ADCK1: variants seen among roughly 807,000 people sequenced by gnomAD.
ADCK1 encodes the protein aarF domain-containing protein kinase 1.
A neutral mutation model predicts 52.3 loss-of-function variants in ADCK1; 41 were observed. The ratio of observed to expected loss-of-function variants is 0.78; its 90% CI spans 0.61 to 1.02. The LOEUF is 1.02. ADCK1 is among the 50% of genes least tolerant of loss of function. The pLI is 0.00. For synonymous variants in ADCK1, 250 were observed against 274.6 expected (o/e 0.91, Z 0.89); for missense variants, 658 against 679.5 (o/e 0.97, Z 0.35).
intron 9 of ADCK1, among the ~76,000 whole-genome samples, chr14:77,928,987 T>C (rs1361155021): frequency 6.6e-6 from 1 of 152,320 alleles, no homozygotes; most frequent in South Asian, 2.1e-4. Context: ...CCCCGTCTTG[T>C]ATATCTTTTT....
intron 1 of ADCK1, among the ~76,000 whole-genome samples, chr14:77,807,935 T>TGTG (rs2081265087): frequency 6.6e-6 from 1 of 152,060 alleles, no homozygotes; most frequent in South Asian, 2.1e-4. Context: ...GAGCCACCAC[T>TGTG]CCTGGCCTGA....
At position 77,920,551 on chromosome 14, in the gene ADCK1, T is replaced by C. The variant is rs555095010; in HGVS notation, c.859-3906T>C. ...TAATGTGATGCCTCCAGATTTATTC[T>C]TTTTGCTTAGTCTTACTTTGGCTAT... On this transcript the variant is annotated intron_variant, in intron 7 of 10. Transcript: ENST00000238561. 3.3e-5 allele frequency among the ~76,000 whole-genome samples: 5 copies of C among 152,366 alleles called. No homozygotes were observed. The East Asian group carries it at 9.6e-4, about 29-fold the overall frequency.
intron 9 of ADCK1, among the ~76,000 whole-genome samples, chr14:77,931,178 G>T (rs1216282244): frequency 2.6e-5 from 4 of 152,218 alleles, no homozygotes; most frequent in Non-Finnish European, 4.4e-5. Flanking sequence ...GACTCAGCTG[G>T]TACTGGCTTC....
At chr14:77,921,302 G>C (rs1181995363) in intron 7 of ADCK1, among the ~76,000 whole-genome samples, 1 of 115,660 alleles carries the variant, frequency 8.6e-6, no homozygotes, top group Non-Finnish European at 1.7e-5. Context: ...ATTCCAGCCT[G>C]GGCGACAGAG....
At chr14:77,929,867 A>C (rs1011588890) in intron 9 of ADCK1, among the ~76,000 whole-genome samples, 1 of 152,106 alleles carries the variant, frequency 6.6e-6, no homozygotes, top group Non-Finnish European at 1.5e-5. Flanking sequence ...GGGTTTCGCT[A>C]TGTTGGCCAG....
rs1566667179 is a variant in ADCK1, at chr14:77,852,669, A to ATATATATTTATATATATATATATAT, written c.220-6400_220-6399insTTATATATATATATATATTATATAT. Among the ~76,000 whole-genome samples the ATATATATTTATATATATATATATAT allele has an allele frequency of 4.2e-4, 4 of 9,414 alleles. No individual in the cohort carries two copies. In the East Asian group the frequency reaches 0.017, roughly 40 times the overall value. The allele number at this position is 9,414 out of a possible 152,430, so 6.2% of individuals were successfully genotyped here. A position where few individuals can be genotyped will look rare whatever the true frequency, so the allele number is the denominator to read the frequency against. On this transcript the variant is annotated intron_variant, in intron 3 of 10. Coordinates refer to ENST00000238561, the MANE Select transcript of ADCK1 (RefSeq NM_020421.4). ...TTTCTTTAAATAAATAAATATATAT[A>ATATATATTTATATATATATATATAT]TATATATATATATATATATATATAT...
At chr14:77,862,184 T>C (rs1439285259) in intron 4 of ADCK1, among the ~76,000 whole-genome samples, 3 of 152,224 alleles carry the variant, frequency 2.0e-5, no homozygotes, top group Non-Finnish European at 4.4e-5. Flanking sequence ...TTACTTTTTT[T>C]CCTTTATTTG....
rs1370201003 is a variant in ADCK1, at chr14:77,897,895, T to C, written c.583-1205T>C. On this transcript the variant is annotated intron_variant, in intron 5 of 10. Coordinates refer to ENST00000238561, the MANE Select transcript of ADCK1 (RefSeq NM_020421.4). ...GTGTTTCAGAGCAAGGGCTGTAGAG[T>C]TGGCTGTGGAATTCCCAGGGGGAAT... is the stretch of plus-strand genomic sequence containing the variant. Among the ~76,000 whole-genome samples the C allele has an allele frequency of 2.0e-5, 3 of 152,054 alleles. No individual in the cohort carries two copies. In the East Asian group the frequency reaches 5.8e-4, roughly 29 times the overall value.
At chr14:77,872,550 CCT>C (rs1325902372) in intron 4 of ADCK1, among the ~76,000 whole-genome samples, 1 of 151,964 alleles carries the variant, frequency 6.6e-6, no homozygotes, top group Admixed American at 6.6e-5. Context: ...AAAGGTGCTG[CCT>C]CTCTGTGCTC....
intron 3 of ADCK1, among the ~76,000 whole-genome samples, chr14:77,858,050 G>A (rs1384974105): frequency 6.6e-6 from 1 of 152,104 alleles, no homozygotes; most frequent in Non-Finnish European, 1.5e-5. Flanking sequence ...AAGGACCGGT[G>A]AGCATCCGGA....
rs8009619 is a variant in ADCK1 at position 77,933,977 on chromosome 14, T to A, written c.*586T>A. The A allele has an allele frequency of 6.6e-6, 1 of 152,240 alleles. No individual in the cohort carries two copies. The highest frequency in any genetic ancestry group is 1.9e-4 in the East Asian group (1 of 5,164). 9.4% of individuals were successfully genotyped at this position (152,240 alleles called of 1,614,324 possible). Reference sequence around the variant, plus strand: ...GCAGGATTTGTCCATCATAACTCACTGGCCTCCCACCTGACCCCAGGCACG... The same window carrying A: ...GCAGGATTTGTCCATCATAACTCACAGGCCTCCCACCTGACCCCAGGCACG... On this transcript the variant is annotated 3_prime_UTR_variant, in exon 11 of 11. Transcript: ENST00000238561.
At chr14:77,861,588 A>G (rs2082549988) in intron 4 of ADCK1, among the ~76,000 whole-genome samples, 2 of 149,786 alleles carry the variant, frequency 1.3e-5, no homozygotes, top group African/African-American at 5.0e-5. Context: ...TCCCTGGCTT[A>G]AAAGAGGCTG....
Position 77,860,381 on chromosome 14 carries a change from G to C in ADCK1, c.423+1102G>C, listed in dbSNP as rs181444173. On this transcript the variant is annotated intron_variant, in intron 4 of 10. Coordinates refer to ENST00000238561, the MANE Select transcript of ADCK1 (RefSeq NM_020421.4). ...TAGGCTACTTGGCGCAGGGCCAGGA[G>C]AGTAGGGCAGAGGTTTGATAAAGAC... is the stretch of plus-strand genomic sequence containing the variant. Among the ~76,000 whole-genome samples the C allele has an allele frequency of 4.6e-5, 7 of 152,354 alleles. No homozygotes were observed. The East Asian group carries it at 1.3e-3, about 29-fold the overall frequency.
At chr14:77,933,116 G>C in intron 10 of ADCK1, 104 bp from the exon 11 acceptor site, 1 of 1,218,222 alleles carries the variant, frequency 8.2e-7, no homozygotes, top group Non-Finnish European at 1.1e-6. Flanking sequence ...GCAGGGAGCT[G>C]GTGAGTTGGC....
At chr14:77,821,598 G>A (rs2081582981) in intron 2 of ADCK1, among the ~76,000 whole-genome samples, 1 of 152,026 alleles carries the variant, frequency 6.6e-6, no homozygotes, top group African/African-American at 2.4e-5. Flanking sequence ...TATGCTATTA[G>A]GGCCAGGCGC....
intron 7 of ADCK1, among the ~76,000 whole-genome samples, chr14:77,921,326 CAAAAAAA>C (rs756056466): frequency 1.2e-4 from 5 of 41,212 alleles, no homozygotes; most frequent in East Asian, 3.8e-3. Flanking sequence ...GACTCTGTCT[CAAAAAAA>C]AAAAAAAAAA....
chr14:77,913,040 G>A (rs2083831180), intron 7 of ADCK1, among the ~76,000 whole-genome samples: 7 of 152,134 alleles, frequency 4.6e-5, no homozygotes, highest in Admixed American at 4.6e-4. Flanking sequence ...TCTTCAGCTT[G>A]GTGGGAGCTA....
chr14:77,840,043 C>A (rs969531839), intron 3 of ADCK1, among the ~76,000 whole-genome samples: 2 of 151,952 alleles, frequency 1.3e-5, no homozygotes, highest in African/African-American at 4.8e-5. Context: ...TTCTGGCGCA[C>A]CTTCCTTTGT....
intron 7 of ADCK1, among the ~76,000 whole-genome samples, chr14:77,908,645 C>T (rs1452829462): frequency 6.6e-6 from 1 of 152,196 alleles, no homozygotes; most frequent in Non-Finnish European, 1.5e-5. Context: ...CCCACTTTGG[C>T]CTCTCAAAGT....
Sources: allele counts gnomAD v4.1 joint callset (sites outside exome capture counted in the v4.1 genomes callset), GRCh38; gene constraint gnomAD v4.1.1; transcripts MANE v1.5; gene names NCBI Gene and HGNC (gene_info 2026-07-23, HGNC 2026-07-21).